Variants in CCDC141 observed in about 807,000 individuals in gnomAD.
The protein encoded by CCDC141 is coiled-coil domain-containing protein 141.
A neutral mutation model predicts 181.0 loss-of-function variants in CCDC141; 168 were observed. The ratio of observed to expected loss-of-function variants is 0.93; its 90% CI spans 0.82 to 1.05. CCDC141 has a LOEUF of 1.05. CCDC141 is among the 50% of genes least tolerant of loss of function. The pLI is 0.00. For missense variants in CCDC141, 1,902 were observed against 1,788.5 expected, an observed-to-expected ratio of 1.06 and a Z score of -1.14; for synonymous variants, 666 against 642.3, an observed-to-expected ratio of 1.04 and a Z score of -0.56.
intron 8 of CCDC141, among the ~76,000 whole-genome samples, chr2:178,900,521 T>C (rs1426439528): frequency 2.0e-5 from 3 of 152,116 alleles, no homozygotes; most frequent in Non-Finnish European, 4.4e-5. Context: ...TGTTTGTTTG[T>C]TTTTTGTAGT....
chr2:178,873,316 G>T (rs1575155757), intron 12 of CCDC141: 2 of 151,662 alleles, frequency 1.3e-5, no homozygotes, highest in East Asian at 3.9e-4. Flanking sequence ...TATATCTGTA[G>T]GTCCTAAATG....
chr2:178,935,853 T>C (rs1689264585), intron 6 of CCDC141, among the ~76,000 whole-genome samples: 1 of 152,164 alleles, frequency 6.6e-6, no homozygotes, highest in Admixed American at 6.5e-5. Flanking sequence ...ATCAGTGATA[T>C]TGAGCTTTTT....
intron 2 of CCDC141, among the ~76,000 whole-genome samples, chr2:178,987,215 G>A (rs1691794801): frequency 6.7e-6 from 1 of 148,670 alleles, no homozygotes; most frequent in South Asian, 2.2e-4. Context: ...CAAGCAATGG[G>A]GAAAGGATTC....
intron 2 of CCDC141, among the ~76,000 whole-genome samples, chr2:179,007,119 T>C (rs574187320): frequency 6.6e-6 from 1 of 152,312 alleles, no homozygotes; most frequent in African/African-American, 2.4e-5. Flanking sequence ...AAAATCAGGT[T>C]CCACAGAATC....
At chr2:178,888,322 G>A (rs1686982480) in intron 9 of CCDC141, among the ~76,000 whole-genome samples, 1 of 152,168 alleles carries the variant, frequency 6.6e-6, no homozygotes, top group Non-Finnish European at 1.5e-5. Context: ...TCAGGCCAGA[G>A]GCGCAGACAG....
intron 8 of CCDC141, among the ~76,000 whole-genome samples, chr2:178,890,344 T>C (rs1687087069): frequency 6.6e-6 from 1 of 152,188 alleles, no homozygotes. Flanking sequence ...AGTTAGGGGC[T>C]ATTTTACCAA....
chr2:179,011,399 G>C (rs957820778), intron 2 of CCDC141, among the ~76,000 whole-genome samples: 2 of 152,150 alleles, frequency 1.3e-5, no homozygotes, highest in African/African-American at 4.8e-5. Context: ...AATGGTAAAA[G>C]ACCTTGTCCA....
intron 2 of CCDC141, among the ~76,000 whole-genome samples, chr2:178,997,309 T>C (rs998682877): frequency 6.6e-6 from 1 of 152,162 alleles, no homozygotes; most frequent in African/African-American, 2.4e-5. Flanking sequence ...GCTCATATGC[T>C]GTCAGCACTC....
chr2:178,870,062 T>A (rs1686042176), intron 14 of CCDC141, among the ~76,000 whole-genome samples: 1 of 151,810 alleles, frequency 6.6e-6, no homozygotes, highest in South Asian at 2.1e-4. Context: ...CAGAACCCTG[T>A]CTCTACCAAA....
intron 2 of CCDC141, among the ~76,000 whole-genome samples, chr2:178,982,619 G>T (rs1438171772): frequency 1.4e-5 from 2 of 147,206 alleles, no homozygotes; most frequent in Non-Finnish European, 3.0e-5. Flanking sequence ...CACCATGTGC[G>T]AACCGAAGCA....
At chr2:178,926,181 T>C (rs1047308045) in intron 6 of CCDC141, among the ~76,000 whole-genome samples, 1 of 152,122 alleles carries the variant, frequency 6.6e-6, no homozygotes, top group African/African-American at 2.4e-5. Context: ...TCTGAAGCAT[T>C]TTATTTGCAA....
At chr2:179,007,664 A>G (rs772699520) in intron 2 of CCDC141, among the ~76,000 whole-genome samples, 1 of 152,178 alleles carries the variant, frequency 6.6e-6, no homozygotes, top group Non-Finnish European at 1.5e-5. Context: ...TTAATGTCAA[A>G]TAAGGGTCTT....
intron 7 of CCDC141, among the ~76,000 whole-genome samples, chr2:178,911,833 G>C (rs1688232798): frequency 6.6e-6 from 1 of 152,200 alleles, no homozygotes; most frequent in South Asian, 2.1e-4. Context: ...AGTGCTGCCT[G>C]GAGATGTCTC....
intron 22 of CCDC141, among the ~76,000 whole-genome samples, chr2:178,840,414 C>G (rs564812460): frequency 1.3e-5 from 2 of 152,342 alleles, no homozygotes; most frequent in East Asian, 1.9e-4. Flanking sequence ...AAACTTACAA[C>G]AAGCTTAGGA....
At chr2:178,939,928 T>C (rs1209944593) in intron 6 of CCDC141, among the ~76,000 whole-genome samples, 6 of 152,128 alleles carry the variant, frequency 3.9e-5, no homozygotes, top group Admixed American at 3.9e-4. Context: ...GGAACATTAA[T>C]TCACAGGGAT....
intron 6 of CCDC141, among the ~76,000 whole-genome samples, chr2:178,932,410 T>A (rs1689135363): frequency 6.6e-6 from 1 of 152,170 alleles, no homozygotes; most frequent in Non-Finnish European, 1.5e-5. Flanking sequence ...CCTGGGAGTG[T>A]CCCATTCACT....
intron 7 of CCDC141, among the ~76,000 whole-genome samples, chr2:178,915,019 C>CA (rs940580272): frequency 6.6e-6 from 1 of 151,942 alleles, no homozygotes; most frequent in African/African-American, 2.4e-5. Flanking sequence ...CCCATCTCTA[C>CA]AAAAAATACA....
intron 7 of CCDC141, among the ~76,000 whole-genome samples, chr2:178,906,794 C>A (rs115315092): frequency 9.9e-5 from 15 of 152,044 alleles, no homozygotes; most frequent in African/African-American, 3.4e-4. Flanking sequence ...GGAGACCAGG[C>A]GAGCAAGGTT....
chr2:178,951,654 T>C (rs907956561), intron 5 of CCDC141, among the ~76,000 whole-genome samples: 4 of 152,116 alleles, frequency 2.6e-5, no homozygotes, highest in Non-Finnish European at 5.9e-5. Flanking sequence ...CTGGCTAGTT[T>C]GGGATGGTGG....
Sources: allele counts gnomAD v4.1 joint callset (sites outside exome capture counted in the v4.1 genomes callset), GRCh38; gene constraint gnomAD v4.1.1; transcripts MANE v1.5; gene names NCBI Gene and HGNC (gene_info 2026-07-23, HGNC 2026-07-21).